VWA3A: variants seen among roughly 807,000 people sequenced by gnomAD.
The protein encoded by VWA3A is von Willebrand factor A domain containing 3A.
In VWA3A, 134 loss-of-function variants were observed where a neutral mutation model predicts 160.4. The ratio of observed to expected loss-of-function variants is 0.84; its 90% CI spans 0.73 to 0.96. VWA3A has a LOEUF of 0.96. Among genes scored for constraint, VWA3A ranks in the 40% least tolerant of loss-of-function variants. The pLI is 0.00. For synonymous variants in VWA3A, 476 were observed against 543.4 expected (o/e 0.88, Z 1.72); for missense variants, 1,310 against 1,447.9 (o/e 0.90, Z 1.55).
chr16:22,142,817 G>C, intron 25 of VWA3A, 52 bp downstream of exon 25: 1 of 1,354,434 alleles, frequency 7.4e-7, no homozygotes, highest in South Asian at 1.3e-5. Flanking sequence ...GAGTAGTTCT[G>C]TCCACCAACC....
intron 21 of VWA3A, among the ~76,000 whole-genome samples, chr16:22,134,746 T>G (rs2046011266): frequency 6.6e-6 from 1 of 152,160 alleles, no homozygotes; most frequent in South Asian, 2.1e-4. Context: ...CTTAAGACTA[T>G]TGCAATAGGG....
intron 16 of VWA3A, among the ~76,000 whole-genome samples, chr16:22,124,631 C>T (rs1240345552): frequency 3.3e-5 from 5 of 150,752 alleles, no homozygotes; most frequent in East Asian, 1.9e-4. Context: ...TGGCCTCAAG[C>T]GATTCTGCTG....
At chr16:22,098,266 T>C (rs2045354969) in intron 3 of VWA3A, among the ~76,000 whole-genome samples, 1 of 152,198 alleles carries the variant, frequency 6.6e-6, no homozygotes, top group Non-Finnish European at 1.5e-5. Flanking sequence ...AGTTTAAATA[T>C]GATACCTTTG....
At chr16:22,155,242 C>CT in intron 31 of VWA3A, among the ~76,000 whole-genome samples, 1 of 152,174 alleles carries the variant, frequency 6.6e-6, no homozygotes, top group East Asian at 1.9e-4. Flanking sequence ...CTGAATAGCG[C>CT]TGAGATAAGG....
At chr16:22,148,644 A>T (rs1213225108) in intron 28 of VWA3A, among the ~76,000 whole-genome samples, 1 of 152,060 alleles carries the variant, frequency 6.6e-6, no homozygotes. Flanking sequence ...GGTGGTGTGC[A>T]CCTGTAGCCC....
chr16:22,100,102 T>C (rs2045384188), intron 3 of VWA3A, 92 bp from the exon 4 acceptor site: 2 of 1,414,752 alleles, frequency 1.4e-6, no homozygotes, highest in East Asian at 2.5e-5. Context: ...AGGGTCAGTC[T>C]GAGTTGGCGC....
chr16:22,116,289 AAAG>A (rs1434889858), intron 9 of VWA3A: 4 of 423,914 alleles, frequency 9.4e-6, no homozygotes, highest in African/African-American at 2.1e-5. Context: ...AGAAGGAAGG[AAAG>A]AAGGAAGAGA....
At chr16:22,102,572 T>C (rs1430123123) in intron 5 of VWA3A, among the ~76,000 whole-genome samples, 1 of 152,172 alleles carries the variant, frequency 6.6e-6, no homozygotes, top group Non-Finnish European at 1.5e-5. Context: ...TGATATATGC[T>C]AGTCTTCAAC....
Position 22,144,305 on chromosome 16 carries a change from C to A in VWA3A, c.2651C>A (p.Pro884His), listed in dbSNP as rs779080597. The change falls in exon 26 of 34, where the codon CCC (proline) becomes CAC (histidine). Residue 884 changes from proline (P) to histidine (H), a missense_variant. Physicochemically the swap from Pro to His is moderately conservative, Grantham distance 77. Coordinates refer to ENST00000389398, the MANE Select transcript of VWA3A (RefSeq NM_173615.5). Reference sequence around the variant, plus strand: ...CTGGAGATTTCCAGATGCATGGGTCCCAACTGCACTCATCAAAAGTCAGGA... The same window carrying A: ...CTGGAGATTTCCAGATGCATGGGTCACAACTGCACTCATCAAAAGTCAGGA... ...LKLEISRCMG[P>H]NCTHQKSGQR... is the part of the protein sequence containing the mutation. The A allele has an allele frequency of 2.5e-6, 4 of 1,613,610 alleles. No homozygotes were observed. The Admixed American group carries it at 6.7e-5, about 27-fold the overall frequency.
At chr16:22,106,720 C>T (rs999823919) in intron 6 of VWA3A, among the ~76,000 whole-genome samples, 2 of 152,300 alleles carry the variant, frequency 1.3e-5, no homozygotes, top group Admixed American at 1.3e-4. Context: ...CAACAAGTTT[C>T]AAAAGAATCA....
intron 14 of VWA3A, among the ~76,000 whole-genome samples, chr16:22,122,281 GTGGATGGA>G (rs753561947): frequency 6.8e-5 from 10 of 146,764 alleles, no homozygotes; most frequent in South Asian, 2.2e-4. Flanking sequence ...GGATGGATGG[GTGGATGGA>G]TGGATGGATG....
At chr16:22,142,790 A>G in intron 25 of VWA3A, 25 bp downstream of exon 25, 2 of 1,502,240 alleles carry the variant, frequency 1.3e-6, no homozygotes, top group Non-Finnish European at 1.8e-6. Flanking sequence ...ATACTAGCAC[A>G]TGCCCATTAA....
intron 17 of VWA3A, among the ~76,000 whole-genome samples, chr16:22,130,236 G>A (rs1195205213): frequency 1.3e-5 from 2 of 152,168 alleles, no homozygotes; most frequent in African/African-American, 4.8e-5. Flanking sequence ...AGGAGGTGAG[G>A]AAGTGGTGGT....
chr16:22,146,505 G>T (rs1416890850), intron 27 of VWA3A, among the ~76,000 whole-genome samples, 161 bp downstream of exon 27: 2 of 152,140 alleles, frequency 1.3e-5, no homozygotes, highest in Non-Finnish European at 2.9e-5. Context: ...GACACTGGGA[G>T]GCCGGGCGTG....
At chr16:22,152,067 CG>C (rs1567228760) in intron 30 of VWA3A, among the ~76,000 whole-genome samples, 1 of 152,116 alleles carries the variant, frequency 6.6e-6, no homozygotes, top group Admixed American at 6.6e-5. Context: ...AAAAATGAGC[CG>C]GGCGTGGTGG....
In VWA3A at chr16:22,098,911, CAAAAAAAAAAAAA is replaced by C. The variant is rs900328333; in HGVS notation, c.225+1231_225+1243del. On this transcript the variant is annotated intron_variant, in intron 3 of 33. Coordinates refer to ENST00000389398, the MANE Select transcript of VWA3A (RefSeq NM_173615.5). ...GCAACATGGTGAAACCCTGTTTCCA[CAAAAAAAAAAAAA>C]AAAAAAAAAAAAAATACACAAATTA... is the stretch of plus-strand genomic sequence containing the variant. 8.0e-4 allele frequency among the ~76,000 whole-genome samples: 33 copies of C among 41,060 alleles called. No homozygotes were observed. In the East Asian group the frequency reaches 0.019, roughly 24 times the overall value. 26.9% of individuals were successfully genotyped at this position (41,060 alleles called of 152,430 possible). A position where few individuals can be genotyped will look rare whatever the true frequency, so the allele number is the denominator to read the frequency against.
chr16:22,149,742 T>A (rs1471494448), intron 28 of VWA3A, 45 bp from the exon 29 acceptor site: 2 of 1,552,702 alleles, frequency 1.3e-6, no homozygotes, highest in African/African-American at 2.7e-5. Flanking sequence ...ACCAATCTCT[T>A]TCTCCCCTTC....
chr16:22,143,499 TGTGTCCC>T (rs1220180146), intron 25 of VWA3A, among the ~76,000 whole-genome samples: 2 of 152,170 alleles, frequency 1.3e-5, no homozygotes, highest in African/African-American at 4.8e-5. Context: ...TGCCCATTCT[TGTGTCCC>T]TCATTGTGAC....
Position 22,119,020 on chromosome 16 carries a change from T to G in VWA3A, c.1109T>G (p.Met370Arg), listed in dbSNP as rs536375408. The G allele has an allele frequency of 2.5e-6, 4 of 1,610,996 alleles. No homozygotes were observed. The highest frequency in any genetic ancestry group is 2.2e-5 in the East Asian group (1 of 44,692). ...CCCTGTGAGGCGCTCACCTGCACCA[T>G]GGAGGAGGTAGGTGGTGCGAGTGTC... Reference protein sequence around the residue: ...SSPCEALTCTMEEISTEITNG... With the variant: ...SSPCEALTCTREEISTEITNG... The change falls in exon 12 of 34, where the codon ATG becomes AGG. Residue 370 changes from methionine to arginine, a missense_variant. Met to Arg is a moderately conservative substitution (Grantham distance 91). Transcript: ENST00000389398.
Sources: allele counts gnomAD v4.1 joint callset (sites outside exome capture counted in the v4.1 genomes callset), GRCh38; gene constraint gnomAD v4.1.1; transcripts MANE v1.5; gene names NCBI Gene and HGNC (gene_info 2026-07-23, HGNC 2026-07-21).